TTLL11: variants seen among roughly 807,000 people sequenced by gnomAD.
TTLL11 encodes tubulin polyglutamylase TTLL11.
TTLL11 carries 42 observed loss-of-function variants against 51.7 expected under a neutral mutation model. The ratio of observed to expected loss-of-function variants is 0.81; its 90% CI spans 0.64 to 1.05. The LOEUF (loss-of-function observed/expected upper bound fraction) is 1.05, where lower values mean the gene tolerates loss of function less well. Among genes scored for constraint, TTLL11 ranks in the 50% least tolerant of loss-of-function variants. TTLL11 has a pLI of 0.00. For synonymous variants in TTLL11, 381 were observed against 383.5 expected, an observed-to-expected ratio of 0.99 and a Z score of 0.08; for missense variants, 799 against 940.4, an observed-to-expected ratio of 0.85 and a Z score of 1.97.
At chr9:122,046,246 C>A (rs10760207) in intron 1 of TTLL11, among the ~76,000 whole-genome samples, 2 of 151,950 alleles carry the variant, frequency 1.3e-5, no homozygotes, top group South Asian at 4.2e-4. Flanking sequence ...TGAATTCTCA[C>A]GAGATCTGGT....
chr9:122,022,270 A>G (rs1844203751), intron 3 of TTLL11, among the ~76,000 whole-genome samples: 1 of 152,114 alleles, frequency 6.6e-6, no homozygotes, highest in Non-Finnish European at 1.5e-5. Flanking sequence ...CACAGGTCCA[A>G]AAGCTCAATG....
At chr9:122,056,234 C>A (rs1266491938) in intron 1 of TTLL11, among the ~76,000 whole-genome samples, 6 of 152,142 alleles carry the variant, frequency 3.9e-5, no homozygotes, top group Admixed American at 3.9e-4. Context: ...CAAAACCCAG[C>A]CTGAAATTCC....
chr9:122,065,026 A>C (rs1362340515), intron 1 of TTLL11, among the ~76,000 whole-genome samples: 3 of 152,206 alleles, frequency 2.0e-5, no homozygotes, highest in African/African-American at 7.2e-5. Flanking sequence ...CCAAATTCCC[A>C]GTGGTGACAC....
At chr9:121,876,370 C>A (rs1838565358) in intron 6 of TTLL11, among the ~76,000 whole-genome samples, 1 of 152,206 alleles carries the variant, frequency 6.6e-6, no homozygotes, top group African/African-American at 2.4e-5. Flanking sequence ...ATAATTTATT[C>A]ATCCATGAAA....
In TTLL11 at chr9:121,974,115, C is replaced by T. The variant is rs1842641341; in HGVS notation, c.1375G>A (p.Gly459Arg). Residue 459 changes from glycine to arginine, a missense_variant, in exon 6 of 9, where the codon GGG (glycine) becomes AGG (arginine). Physicochemically the swap from Gly to Arg is moderately radical, Grantham distance 125. Coordinates refer to ENST00000321582, the MANE Select transcript of TTLL11 (RefSeq NM_001139442.2). ...AGGCTGGGGACATTTTCAAACACCC[C>T]TGGAGAAAGCTTGAACGGGTAAGGA... ...RIEHEHELSP[G>R]VFENVPSLVD... 1 of 1,551,262 alleles carries T rather than the reference C, an allele frequency of 6.4e-7. No homozygotes were observed. The highest frequency in any genetic ancestry group is 1.2e-5 in the South Asian group (1 of 84,032).
At chr9:121,828,671 C>T (rs1478912167) in intron 8 of TTLL11, among the ~76,000 whole-genome samples, 1 of 152,154 alleles carries the variant, frequency 6.6e-6, no homozygotes, top group Non-Finnish European at 1.5e-5. Flanking sequence ...TTATAATCAA[C>T]ACTTGGTATT....
chr9:122,031,222 G>A (rs1222226748), intron 3 of TTLL11, among the ~76,000 whole-genome samples: 3 of 152,202 alleles, frequency 2.0e-5, no homozygotes, highest in Non-Finnish European at 4.4e-5. Context: ...CTGGTGCTTC[G>A]AGATGGAATG....
chr9:121,959,040 A>T (rs1264977968), intron 6 of TTLL11, among the ~76,000 whole-genome samples: 2 of 152,234 alleles, frequency 1.3e-5, no homozygotes, highest in African/African-American at 4.8e-5. Flanking sequence ...CAAAAGCCTA[A>T]AAGTGAATTA....
rs768215225 is a variant in TTLL11 at position 121,971,746 on chromosome 9, G to GAAAAAAAAAAAAAAA, written c.1481+2248_1481+2262dup. The stretch of plus-strand genomic sequence containing the variant: ...ACTAAGAAAAATTCCTCTGCCTTGG[G>GAAAAAAAAAAAAAAA]AAAAAAAAAAAAAAAGAAAATGTGG... On this transcript the variant is annotated intron_variant, in intron 6 of 8. Coordinates refer to ENST00000321582, the MANE Select transcript of TTLL11 (RefSeq NM_001139442.2). Among the ~76,000 whole-genome samples, 111 of 97,774 alleles carry GAAAAAAAAAAAAAAA rather than the reference G, an allele frequency of 1.1e-3. 3 individuals are homozygous for GAAAAAAAAAAAAAAA. Among genetic ancestry groups the GAAAAAAAAAAAAAAA allele is most frequent in the African/African-American group, 1.8e-3 (50 of 27,140 alleles). 64.1% of individuals were successfully genotyped at this position (97,774 alleles called of 152,430 possible). A position where few individuals can be genotyped will look rare whatever the true frequency, so the allele number is the denominator to read the frequency against.
intron 4 of TTLL11, among the ~76,000 whole-genome samples, chr9:121,978,209 T>C (rs1195327709): frequency 1.3e-5 from 2 of 152,192 alleles, no homozygotes; most frequent in Non-Finnish European, 1.5e-5. Flanking sequence ...TTTTCAAAAG[T>C]CCAATAAAAT....
At chr9:121,878,799 T>C (rs747002277) in intron 6 of TTLL11, among the ~76,000 whole-genome samples, 8 of 152,242 alleles carry the variant, frequency 5.3e-5, no homozygotes, top group Non-Finnish European at 8.8e-5. Context: ...TCTTCGCCAT[T>C]GTCCCTCTTG....
rs1482337729 is a variant in TTLL11 at position 121,826,196 on chromosome 9, ATATATATATATATATATATATG to A, written c.1841-3339_1841-3318del. Among the ~76,000 whole-genome samples, 6 of 107,328 alleles carry A rather than the reference ATATATATATATATATATATATG, an allele frequency of 5.6e-5. 2 individuals carry two copies. The highest frequency in any genetic ancestry group is 7.2e-5 in the Non-Finnish European group (4 of 55,382). The allele number at this position is 107,328 out of a possible 152,430, so 70.4% of individuals were successfully genotyped here. ...TATAACCAGTAACCTATATATATAT[ATATATATATATATATATATATG>A]CACACATATATATATACACGCACAT... is the stretch of plus-strand genomic sequence containing the variant. On this transcript the variant is annotated intron_variant, in intron 8 of 8. Transcript: ENST00000321582.
At chr9:121,997,225 C>T (rs911768867) in intron 3 of TTLL11, among the ~76,000 whole-genome samples, 2 of 95,880 alleles carry the variant, frequency 2.1e-5, no homozygotes, top group African/African-American at 7.8e-5. Flanking sequence ...GACACTGAAA[C>T]CTGTTTGATA....
chr9:121,961,532 T>A (rs947215356), intron 6 of TTLL11, among the ~76,000 whole-genome samples: 1 of 152,014 alleles, frequency 6.6e-6, no homozygotes, highest in Non-Finnish European at 1.5e-5. Context: ...CCTCACCCAC[T>A]CCACTCTTCT....
At chr9:121,980,186 C>CT (rs1842798676) in intron 4 of TTLL11, among the ~76,000 whole-genome samples, 1 of 149,546 alleles carries the variant, frequency 6.7e-6, no homozygotes, top group South Asian at 2.1e-4. Context: ...GGGGGCCTTT[C>CT]TTTTTTCATT....
chr9:121,975,161 A>G (rs1842672380), intron 4 of TTLL11, among the ~76,000 whole-genome samples, 182 bp from the exon 5 acceptor site: 1 of 152,216 alleles, frequency 6.6e-6, no homozygotes, highest in Non-Finnish European at 1.5e-5. Context: ...AAAATTTTAC[A>G]GGAACCTTGA....
chr9:121,969,304 C>G (rs1319850514), intron 6 of TTLL11, among the ~76,000 whole-genome samples: 2 of 152,172 alleles, frequency 1.3e-5, no homozygotes, highest in Non-Finnish European at 2.9e-5. Flanking sequence ...GGTTTTTCAG[C>G]TCCAGAGAAG....
At chr9:121,911,606 AT>A (rs200984295) in intron 6 of TTLL11, among the ~76,000 whole-genome samples, 2,239 of 152,350 alleles carry the variant, frequency 0.015, 56 homozygotes, top group African/African-American at 0.051. Context: ...CTATGAAGCC[AT>A]AAAAAAGAAT....
At chr9:121,903,300 C>A (rs1358462136) in intron 6 of TTLL11, among the ~76,000 whole-genome samples, 1 of 152,168 alleles carries the variant, frequency 6.6e-6, no homozygotes, top group Non-Finnish European at 1.5e-5. Context: ...TTCCATCCTG[C>A]CGTACTGCTT....
Sources: gnomAD v4.1 joint callset for allele counts (sites outside exome capture counted in the v4.1 genomes callset) on GRCh38, gnomAD v4.1.1 for gene constraint, MANE v1.5 for transcripts, NCBI Gene and HGNC (gene_info 2026-07-23, HGNC 2026-07-21) for gene names.